Variants in ADAMTS14 observed in about 807,000 individuals in gnomAD.
ADAMTS14 encodes A disintegrin and metalloproteinase with thrombospondin motifs 14.
In ADAMTS14, 100 loss-of-function variants were observed where a neutral mutation model predicts 128.6. The ratio of observed to expected loss-of-function variants is 0.78; its 90% CI spans 0.66 to 0.92. The LOEUF is 0.92. Ranked by LOEUF, ADAMTS14 falls within the 40% of genes least tolerant of loss-of-function variation. The pLI is 0.00. For missense variants in ADAMTS14, 1,562 were observed against 1,658.6 expected (o/e 0.94, Z 1.01); for synonymous variants, 665 against 653.8 (o/e 1.02, Z -0.26).
At position 70,721,012 on chromosome 10, in the gene ADAMTS14, CTTTTTTCTTTTTT is replaced by C. The variant is rs1285180216; in HGVS notation, c.871-8275_871-8263del. ...GACTTATTAGAAGAGAGCTTTTTCT[CTTTTTTCTTTTTT>C]TTTTTTTTTTTTTTTTTGAGATGGA... On this transcript the variant is annotated intron_variant, in intron 4 of 21. Coordinates refer to ENST00000373207, the MANE Select transcript of ADAMTS14 (RefSeq NM_080722.4). Among the ~76,000 whole-genome samples, 48 of 134,662 alleles carry C rather than the reference CTTTTTTCTTTTTT, an allele frequency of 3.6e-4. 2 individuals are homozygous for C. The East Asian group carries it at 0.01, about 29-fold the overall frequency. The allele number at this position is 134,662 out of a possible 152,430, so 88.3% of individuals were successfully genotyped here.
At chr10:70,680,453 C>T (rs1165873357) in intron 2 of ADAMTS14, among the ~76,000 whole-genome samples, 1 of 152,168 alleles carries the variant, frequency 6.6e-6, no homozygotes, top group Non-Finnish European at 1.5e-5. Context: ...CTAAAAGCAC[C>T]TGGCCTATGG....
chr10:70,691,922 C>T (rs1416215882), intron 2 of ADAMTS14, among the ~76,000 whole-genome samples: 1 of 152,246 alleles, frequency 6.6e-6, no homozygotes, highest in African/African-American at 2.4e-5. Flanking sequence ...CTATTGCTCT[C>T]TTTATGAAAC....
At position 70,753,822 on chromosome 10, in the gene ADAMTS14, G is replaced by A. The variant is rs754117038; in HGVS notation, c.2752G>A (p.Ala918Thr). The change falls in exon 19 of 22, where the codon GCC becomes ACC. Residue 918 changes from alanine (A) to threonine (T), a missense_variant. By Grantham distance (58) the Ala-to-Thr change is moderately conservative (BLOSUM62 0). Transcript: ENST00000373207. ...QPVWVTEEWG[A>T]CSRSCGKLGV... Reference sequence around the variant, plus strand: ...CAGGTGGGTGACGGAGGAGTGGGGTGCCTGCAGCCGGAGCTGTGGGAAGCT... The same window carrying A: ...CAGGTGGGTGACGGAGGAGTGGGGTACCTGCAGCCGGAGCTGTGGGAAGCT... The A allele has an allele frequency of 1.3e-6, 2 of 1,586,416 alleles. No homozygotes were observed. Among genetic ancestry groups the A allele is most frequent in the African/African-American group, 2.7e-5 (2 of 74,778 alleles).
At chr10:70,676,417 T>C (rs138770855) in intron 2 of ADAMTS14, among the ~76,000 whole-genome samples, 1 of 152,326 alleles carries the variant, frequency 6.6e-6, no homozygotes, top group African/African-American at 2.4e-5. Flanking sequence ...CCAGAATAAA[T>C]TTTCATCCCA....
intron 19 of ADAMTS14, among the ~76,000 whole-genome samples, chr10:70,754,308 C>G (rs556428077): frequency 6.6e-6 from 1 of 152,324 alleles, no homozygotes; most frequent in East Asian, 1.9e-4. Flanking sequence ...TTGCTGAGCA[C>G]TAGCTGTATG....
At chr10:70,722,109 C>G (rs573433106) in intron 4 of ADAMTS14, among the ~76,000 whole-genome samples, 1 of 152,278 alleles carries the variant, frequency 6.6e-6, no homozygotes, top group East Asian at 1.9e-4. Context: ...GACACTCACC[C>G]CTGGGCTGCC....
chr10:70,708,612 A>C lies in ADAMTS14; in HGVS notation c.704A>C (p.Asn235Thr). ...GCCTTTGGCCTGGGAGACCTTCCCA[A>C]CCTGCTGGGCCTGGTGGGGGACCAG... The part of the protein sequence containing the change: ...NEAFGLGDLP[N>T]LLGLVGDQLG... The change falls in exon 4 of 22, where the codon AAC becomes ACC. Residue 235 changes from asparagine (N) to threonine (T), a missense_variant. By Grantham distance (65) the Asn-to-Thr change is moderately conservative. Transcript: ENST00000373207. 3 of 1,607,788 alleles carry C rather than the reference A, an allele frequency of 1.9e-6. No individual in the cohort carries two copies. In the East Asian group the frequency reaches 6.7e-5, roughly 36 times the overall value.
At chr10:70,675,818 G>A (rs1303953777) in intron 2 of ADAMTS14, among the ~76,000 whole-genome samples, 2 of 152,202 alleles carry the variant, frequency 1.3e-5, no homozygotes, top group African/African-American at 4.8e-5. Context: ...GCAGCCTCAA[G>A]GTCCTGTTGG....
rs772967387 is a variant in ADAMTS14, at chr10:70,749,902, G to A, written c.2344G>A (p.Gly782Ser). 8 of 1,614,158 alleles carry A rather than the reference G, an allele frequency of 5.0e-6. No individual in the cohort carries two copies. The highest frequency in any genetic ancestry group is 6.8e-6 in the Non-Finnish European group (8 of 1,180,026). ...CACAAGCCGGACCTTCACCGCCATG[G>A]GCCTGGAGTGGGAGGATGCGGTGGA... ...EATSRTFTAM[G>S]LEWEDAVEDA... is the part of the protein sequence containing the mutation. Residue 782 changes from glycine (G) to serine (S), a missense_variant, in exon 16 of 22, where the codon GGC (glycine) becomes AGC (serine). Physicochemically the swap from Gly to Ser is moderately conservative, Grantham distance 56 (BLOSUM62 0). Coordinates refer to ENST00000373207, the MANE Select transcript of ADAMTS14 (RefSeq NM_080722.4).
intron 13 of ADAMTS14, 41 bp downstream of exon 13, chr10:70,743,722 G>C: frequency 6.5e-7 from 1 of 1,528,376 alleles, no homozygotes; most frequent in Non-Finnish European, 8.8e-7. Context: ...GGCACAGGGA[G>C]ACTGGAGGGC....
At chr10:70,711,090 C>T (rs1487010116) in intron 4 of ADAMTS14, among the ~76,000 whole-genome samples, 4 of 152,158 alleles carry the variant, frequency 2.6e-5, no homozygotes, top group Non-Finnish European at 4.4e-5. Flanking sequence ...AAGACAAAAG[C>T]GGTAATTTCT....
chr10:70,754,048 G>A, intron 19 of ADAMTS14, 41 bp downstream of exon 19: 1 of 1,477,868 alleles, frequency 6.8e-7, no homozygotes. Flanking sequence ...TGGGGAGGAG[G>A]TGGGTCTGAG....
chr10:70,732,259 G>A lies in ADAMTS14; in HGVS notation c.1108G>A (p.Ala370Thr), dbSNP rs1426642674. The A allele has an allele frequency of 6.2e-7, 1 of 1,614,058 alleles. No individual in the cohort carries two copies. The highest frequency in any genetic ancestry group is 8.5e-7 in the Non-Finnish European group (1 of 1,179,922). ...TTTCTTTCTCTCTTCGGCAGGGTAT[G>A]CACCCGTCACTGGCATGTGTCACCC... The part of the protein sequence containing the change: ...TRQDFGPSGY[A>T]PVTGMCHPLR... The change falls in exon 7 of 22, where the codon GCA becomes ACA. Residue 370 changes from alanine to threonine, a missense_variant. By Grantham distance (58) the Ala-to-Thr change is moderately conservative. Coordinates refer to ENST00000373207, the MANE Select transcript of ADAMTS14 (RefSeq NM_080722.4).
intron 18 of ADAMTS14, 118 bp downstream of exon 18, chr10:70,752,345 G>C (rs1842375164): frequency 7.1e-7 from 1 of 1,403,412 alleles, no homozygotes; most frequent in Middle Eastern, 2.0e-4. Context: ...GACCATACAG[G>C]CAACACAACT....
At chr10:70,707,204 C>T (rs1840694498) in intron 3 of ADAMTS14, among the ~76,000 whole-genome samples, 1 of 152,180 alleles carries the variant, frequency 6.6e-6, no homozygotes, top group East Asian at 1.9e-4. Context: ...GGCTTAAGGG[C>T]AGAGGCCCGG....
At chr10:70,694,346 T>G (rs1840274354) in intron 2 of ADAMTS14, among the ~76,000 whole-genome samples, 2 of 152,264 alleles carry the variant, frequency 1.3e-5, no homozygotes. Context: ...GCATATTATC[T>G]TTTTAATTAA....
At chr10:70,685,408 T>G (rs953130987) in intron 2 of ADAMTS14, among the ~76,000 whole-genome samples, 1 of 152,232 alleles carries the variant, frequency 6.6e-6, no homozygotes, top group African/African-American at 2.4e-5. Context: ...CTCAGGCACC[T>G]GCAGATACCC....
chr10:70,719,966 G>T (rs549262059), intron 4 of ADAMTS14, among the ~76,000 whole-genome samples: 1 of 152,374 alleles, frequency 6.6e-6, no homozygotes, highest in Admixed American at 6.5e-5. Context: ...CATCGAGGCT[G>T]CTGCGTTTCA....
intron 4 of ADAMTS14, among the ~76,000 whole-genome samples, chr10:70,715,986 C>T (rs937857225): frequency 6.6e-6 from 1 of 152,200 alleles, no homozygotes; most frequent in African/African-American, 2.4e-5. Flanking sequence ...CCATTCTAAC[C>T]TTCTTGGCCA....
Sources: gnomAD v4.1 joint callset for allele counts (sites outside exome capture counted in the v4.1 genomes callset) on GRCh38, gnomAD v4.1.1 for gene constraint, MANE v1.5 for transcripts, NCBI Gene and HGNC (gene_info 2026-07-23, HGNC 2026-07-21) for gene names.